GRIK4: variants seen among roughly 807,000 people sequenced by gnomAD.
GRIK4 encodes the protein glutamate ionotropic receptor kainate type subunit 4, also known as glutamate receptor ionotropic, kainate 4.
A neutral mutation model predicts 104.9 loss-of-function variants in GRIK4; 40 were observed. That is an observed-to-expected ratio of 0.38 (90% CI 0.30 to 0.50). The LOEUF (loss-of-function observed/expected upper bound fraction) is 0.50. GRIK4 is among the 20% of genes least tolerant of loss of function. The pLI, the probability that GRIK4 is intolerant of heterozygous loss-of-function variation, is 0.93. For synonymous variants in GRIK4, 485 were observed against 524.9 expected, an observed-to-expected ratio of 0.92 and a Z score of 1.04; for missense variants, 1,047 against 1,308.1, an observed-to-expected ratio of 0.80 and a Z score of 3.08.
intron 1 of GRIK4, among the ~76,000 whole-genome samples, chr11:120,544,840 T>C (rs544083932): frequency 1.3e-5 from 2 of 152,250 alleles, no homozygotes; most frequent in South Asian, 2.1e-4. Context: ...AGTGGATTCA[T>C]TGAAGCCATA....
At chr11:120,637,834 G>C (rs1298379912) in intron 1 of GRIK4, among the ~76,000 whole-genome samples, 1 of 151,884 alleles carries the variant, frequency 6.6e-6, no homozygotes, top group African/African-American at 2.4e-5. Context: ...GACTTATCTT[G>C]TTCCTAGAGT....
chr11:120,523,207 G>A (rs1177262135), intron 1 of GRIK4, among the ~76,000 whole-genome samples: 1 of 150,604 alleles, frequency 6.6e-6, no homozygotes, highest in Non-Finnish European at 1.5e-5. Flanking sequence ...AGCATCAGCC[G>A]ACTCTCCTTT....
At chr11:120,571,631 C>T (rs914589823) in intron 1 of GRIK4, among the ~76,000 whole-genome samples, 2 of 152,202 alleles carry the variant, frequency 1.3e-5, no homozygotes, top group African/African-American at 4.8e-5. Flanking sequence ...GGAGCCACAC[C>T]CTCCCCTGGC....
At chr11:120,607,411 C>T (rs1948976424) in intron 1 of GRIK4, among the ~76,000 whole-genome samples, 1 of 152,120 alleles carries the variant, frequency 6.6e-6, no homozygotes, top group Non-Finnish European at 1.5e-5. Context: ...GAAGAGAGCC[C>T]AGGTGCTTGC....
Position 120,902,899 on chromosome 11 carries a change from C to T in GRIK4, c.1273-2391C>T, listed in dbSNP as rs181195527. Among the ~76,000 whole-genome samples, 10 of 152,224 alleles carry T rather than the reference C, an allele frequency of 6.6e-5. No individual in the cohort carries two copies. Among genetic ancestry groups the T allele is most frequent in the Admixed American group, 3.9e-4 (6 of 15,300 alleles). ...AGGCTGACCGTTCCTATCTCATTGACGTGACAGTGGACTCATCCAGAATCA... is the reference window on the plus strand; with the variant it reads ...AGGCTGACCGTTCCTATCTCATTGATGTGACAGTGGACTCATCCAGAATCA... On this transcript the variant is annotated intron_variant, in intron 12 of 20. Transcript: ENST00000527524. This position sits in a 1 kb window ranked among gnomAD's most constrained non-coding sequence, Gnocchi z 4.5.
At chr11:120,597,054 C>A (rs573202917) in intron 1 of GRIK4, among the ~76,000 whole-genome samples, 1 of 152,318 alleles carries the variant, frequency 6.6e-6, no homozygotes, top group African/African-American at 2.4e-5. Context: ...GTTCTCCCCT[C>A]ACTTGGGGCT....
intron 1 of GRIK4, among the ~76,000 whole-genome samples, chr11:120,523,476 G>A (rs751643372): frequency 1.3e-5 from 2 of 152,156 alleles, no homozygotes; most frequent in Admixed American, 1.3e-4. Flanking sequence ...AGGAGGAGCC[G>A]ACTTTTGTCC....
chr11:120,516,795 C>T (rs751869511), intron 1 of GRIK4, among the ~76,000 whole-genome samples: 12 of 151,824 alleles, frequency 7.9e-5, no homozygotes, highest in Admixed American at 3.3e-4. Context: ...GGGGGATGGG[C>T]GATGCGAGGG....
At chr11:120,780,136 G>A (rs1952124396) in intron 3 of GRIK4, among the ~76,000 whole-genome samples, 1 of 152,028 alleles carries the variant, frequency 6.6e-6, no homozygotes, top group African/African-American at 2.4e-5. Context: ...AAACTCTTTG[G>A]GCATTTTAAA....
chr11:120,551,945 C>A (rs985162795), intron 1 of GRIK4, among the ~76,000 whole-genome samples: 3 of 152,136 alleles, frequency 2.0e-5, no homozygotes, highest in South Asian at 2.1e-4. Context: ...GGCATATAAG[C>A]CCTGCGGCCC....
chr11:120,715,147 G>T (rs1954786), intron 3 of GRIK4, among the ~76,000 whole-genome samples: 10 of 152,308 alleles, frequency 6.6e-5, no homozygotes, highest in Admixed American at 2.0e-4. Context: ...CTGCTGGCAC[G>T]GGGGCACTAA....
At chr11:120,736,965 T>C (rs138608063) in intron 3 of GRIK4, among the ~76,000 whole-genome samples, 117 of 152,276 alleles carry the variant, frequency 7.7e-4, no homozygotes, top group African/African-American at 2.6e-3. Context: ...AAGCCTGGAA[T>C]AGGTCATGTA....
intron 3 of GRIK4, among the ~76,000 whole-genome samples, chr11:120,672,319 G>A (rs1023626859): frequency 1.3e-5 from 2 of 152,108 alleles, no homozygotes; most frequent in African/African-American, 2.4e-5. Flanking sequence ...AGGAGGCTGA[G>A]ACAGGAGAAT....
rs377625365 is a variant in GRIK4 at position 120,909,891 on chromosome 11, C to G, written c.1476+4398C>G. ...AGTGGGTGCTGTGGTTTGAATGTGT[C>G]CCTCCAAAGTTCACATGTTGGAAGC... On this transcript the variant is annotated intron_variant, in intron 13 of 20. Coordinates refer to ENST00000527524, the MANE Select transcript of GRIK4 (RefSeq NM_014619.5). Among the ~76,000 whole-genome samples the G allele has an allele frequency of 8.5e-5, 13 of 152,286 alleles. 2 individuals carry two copies. The highest frequency in any genetic ancestry group is 3.1e-4 in the African/African-American group (13 of 41,560).
In GRIK4 at chr11:120,938,288, T is replaced by C. The variant is rs139692786; in HGVS notation, c.1477-2059T>C. Among the ~76,000 whole-genome samples the C allele has an allele frequency of 4.4e-3, 674 of 152,330 alleles. 2 individuals carry two copies. The highest frequency in any genetic ancestry group is 0.016 in the African/African-American group (654 of 41,564). ...ACAATCCTCTAATCAAACCTAACTT[T>C]GAATGCAAGTGTCAATTCACTTGCT... is the stretch of plus-strand genomic sequence containing the variant. On this transcript the variant is annotated intron_variant, in intron 13 of 20. Transcript: ENST00000527524.
At chr11:120,929,477 G>A (rs891618740) in intron 13 of GRIK4, among the ~76,000 whole-genome samples, 15 of 152,080 alleles carry the variant, frequency 9.9e-5, no homozygotes, top group African/African-American at 3.4e-4. Flanking sequence ...AAAGCCGCCC[G>A]CAGGTAAACT....
intron 19 of GRIK4, among the ~76,000 whole-genome samples, chr11:120,975,390 A>G (rs1277547241): frequency 3.3e-5 from 5 of 152,200 alleles, no homozygotes; most frequent in Non-Finnish European, 7.3e-5. Flanking sequence ...AGTGTTTCAG[A>G]GAGATGCTGT....
chr11:120,530,648 C>T (rs186056362), intron 1 of GRIK4, among the ~76,000 whole-genome samples: 175 of 152,278 alleles, frequency 1.1e-3, no homozygotes, highest in African/African-American at 4.0e-3. Flanking sequence ...CCTCTGTCTT[C>T]GACAACCGCG....
chr11:120,634,725 A>T (rs554230282), intron 1 of GRIK4, among the ~76,000 whole-genome samples: 218 of 152,222 alleles, frequency 1.4e-3, no homozygotes, highest in Middle Eastern at 3.4e-3. Context: ...GAGTCCGGAG[A>T]CAGTGGGAGG....
Sources: gnomAD v4.1 joint callset for allele counts (sites outside exome capture counted in the v4.1 genomes callset) on GRCh38, gnomAD v4.1.1 for gene constraint, Gnocchi (gnomAD v3.1) non-coding constraint, MANE v1.5 for transcripts, NCBI Gene and HGNC (gene_info 2026-07-23, HGNC 2026-07-21) for gene names.